COX11: variants seen among roughly 807,000 people sequenced by gnomAD.
COX11 encodes cytochrome c oxidase assembly protein COX11, mitochondrial.
Under a neutral mutation model 29.4 loss-of-function variants are expected in COX11, and 18 were observed. The ratio of observed to expected loss-of-function variants is 0.61; its 90% CI spans 0.42 to 0.91. The LOEUF (loss-of-function observed/expected upper bound fraction) is 0.91. Ranked by LOEUF, COX11 falls within the 40% of genes least tolerant of loss-of-function variation. The pLI, the probability that COX11 is intolerant of heterozygous loss-of-function variation, is 0.00. For missense variants in COX11, 312 were observed against 346.0 expected (o/e 0.90, Z 0.78); for synonymous variants, 131 against 124.0 (o/e 1.06, Z -0.38).
downstream of COX11, among the ~76,000 whole-genome samples, chr17:54,960,179 A>G (rs561583184): frequency 2.0e-5 from 3 of 152,236 alleles, no homozygotes; most frequent in East Asian, 1.9e-4. Context: ...CCTGGCCAAC[A>G]GGGTGAAACC....
chr17:54,957,688 G>T (rs957916639), downstream of COX11: 5 of 152,046 alleles, frequency 3.3e-5, no homozygotes, highest in African/African-American at 7.2e-5. Flanking sequence ...AAATTACTGG[G>T]TTTTTTTCAC....
At position 54,961,272 on chromosome 17, in the gene COX11, T is replaced by G. The variant is rs1300106414; in HGVS notation, c.*1461A>C. 1 of 1,551,322 alleles carries G rather than the reference T, an allele frequency of 6.4e-7. No individual in the cohort carries two copies. Among genetic ancestry groups the G allele is most frequent in the East Asian group, 2.4e-5 (1 of 40,924 alleles). ...GATCAGCTCACTACCACATCAAAGG[T>G]GCCAACTCTCTAAAACGTAGACTCT... On this transcript the variant is annotated 3_prime_UTR_variant, in exon 4 of 4. Transcript: ENST00000299335.
At chr17:54,963,166 A>G in intron 3 of COX11, 140 bp downstream of exon 3, 1 of 952,882 alleles carries the variant, frequency 1.0e-6, no homozygotes, top group Non-Finnish European at 1.6e-6. Flanking sequence ...CATAGCAGGT[A>G]TAGATAGTGA....
At chr17:54,955,858 T>C (rs1303105971), downstream of COX11, among the ~76,000 whole-genome samples, 1 of 152,214 alleles carries the variant, frequency 6.6e-6, no homozygotes, top group Non-Finnish European at 1.5e-5. Context: ...GTCTGGGCTC[T>C]AGGCAGCCGC....
intron 3 of COX11, 122 bp from the exon 4 acceptor site, chr17:54,963,037 TAC>T (rs767566840): frequency 6.3e-5 from 55 of 874,780 alleles, no homozygotes; most frequent in Non-Finnish European, 8.7e-5. Flanking sequence ...TACTATTAAA[TAC>T]ACAGTTCTGT....
At chr17:54,959,245 T>C (rs554904955), downstream of COX11, 1 of 152,296 alleles carries the variant, frequency 6.6e-6, no homozygotes, top group African/African-American at 2.4e-5. Flanking sequence ...CAGCCATGTT[T>C]TGCTATACTG....
In COX11 at chr17:54,961,808, G is replaced by T; in HGVS notation, c.*925C>A. Reference sequence around the variant, plus strand: ...TGAACAGGTCACTAGACTCTACATTGGGCAGCCTTTAAATATGATTCTTTG... The same window carrying T: ...TGAACAGGTCACTAGACTCTACATTTGGCAGCCTTTAAATATGATTCTTTG... On this transcript the variant is annotated 3_prime_UTR_variant, in exon 4 of 4. Transcript: ENST00000299335. The T allele has an allele frequency of 1.0e-6, 1 of 985,616 alleles. No individual in the cohort carries two copies. The highest frequency in any genetic ancestry group is 1.2e-6 in the Non-Finnish European group (1 of 829,744). The allele number at this position is 985,616 out of a possible 1,614,324, so 61.1% of individuals were successfully genotyped here.
downstream of COX11, among the ~76,000 whole-genome samples, chr17:54,958,788 CAAG>C (rs1397265880): frequency 9.0e-5 from 13 of 143,800 alleles, no homozygotes; most frequent in Non-Finnish European, 2.0e-4. Context: ...GCATTTACTA[CAAG>C]AAGAGATGGA....
intron 2 of COX11, 26 bp from the exon 3 acceptor site, chr17:54,963,457 C>G (rs1230629553): frequency 1.9e-6 from 3 of 1,581,446 alleles, no homozygotes; most frequent in Non-Finnish European, 2.6e-6. Context: ...TATATATTAT[C>G]AATACTTTGA....
downstream of COX11, chr17:54,957,025 G>A (rs189442931): frequency 6.6e-6 from 1 of 152,320 alleles, no homozygotes; most frequent in Admixed American, 6.5e-5. Context: ...AAATTGCTGA[G>A]GTCTGTCATG....
At chr17:54,967,081 G>C (rs561288491) in intron 1 of COX11, among the ~76,000 whole-genome samples, 1 of 150,928 alleles carries the variant, frequency 6.6e-6, no homozygotes, top group South Asian at 2.1e-4. Flanking sequence ...CACGGAAAGA[G>C]TGAACTCCAG....
intron 2 of COX11, among the ~76,000 whole-genome samples, chr17:54,963,791 T>G (rs375672747): frequency 2.0e-5 from 3 of 152,062 alleles, no homozygotes; most frequent in African/African-American, 4.8e-5. Context: ...AATGTCATGA[T>G]TGACTATTTT....
At chr17:54,967,696 G>A (rs889036535) in intron 1 of COX11, among the ~76,000 whole-genome samples, 12 of 151,190 alleles carry the variant, frequency 7.9e-5, no homozygotes, top group African/African-American at 2.7e-4. Context: ...GGTCCTGGGC[G>A]CCACACTCCC....
chr17:54,962,699 A>C lies in COX11; in HGVS notation c.*34T>G. The C allele has an allele frequency of 6.3e-7, 1 of 1,598,320 alleles. No homozygotes were observed. The highest frequency in any genetic ancestry group is 1.1e-5 in the South Asian group (1 of 87,006). ...GATAGGATATATGATTTTCCCAAAA[A>C]TCACAACTTTGAAGGAAGACTTAGT... On this transcript the variant is annotated 3_prime_UTR_variant, in exon 4 of 4. Coordinates refer to ENST00000299335, the MANE Select transcript of COX11 (RefSeq NM_004375.5).
chr17:54,964,940 T>A, intron 1 of COX11, 88 bp from the exon 2 acceptor site: 1 of 1,313,132 alleles, frequency 7.6e-7, no homozygotes. Context: ...AATGTAGTAT[T>A]TATAATCCAT....
chr17:54,956,353 G>A (rs188543375), downstream of COX11, among the ~76,000 whole-genome samples: 1 of 151,980 alleles, frequency 6.6e-6, no homozygotes, highest in African/African-American at 2.4e-5. Flanking sequence ...CATTAGGCTG[G>A]AGTATAGTGG....
rs1256117884 is a variant in COX11 at position 54,963,015 on chromosome 17, T to C, written c.649-100A>G. On this transcript the variant is annotated intron_variant, in intron 3 of 3. Coordinates refer to ENST00000299335, the MANE Select transcript of COX11 (RefSeq NM_004375.5). ...CTTAGCATTCCAGTACACTTCGTGATTTTAATAAGCATACTATTAAATACA... is the reference window on the plus strand; with the variant it reads ...CTTAGCATTCCAGTACACTTCGTGACTTTAATAAGCATACTATTAAATACA... The C allele has an allele frequency of 4.8e-6, 5 of 1,048,930 alleles. No homozygotes were observed. The African/African-American group carries it at 6.5e-5, about 14-fold the overall frequency. 65.0% of individuals were successfully genotyped at this position (1,048,930 alleles called of 1,614,324 possible). A position where few individuals can be genotyped will look rare whatever the true frequency, so the allele number is the denominator to read the frequency against.
Position 54,962,855 on chromosome 17 carries a change from A to G in COX11, c.709T>C (p.Phe237Leu). The change falls in exon 4 of 4, where the codon TTC (phenylalanine) becomes CTC (leucine). Residue 237 changes from phenylalanine to leucine, a missense_variant. By Grantham distance (22) the Phe-to-Leu change is conservative. This residue lies in a region of COX11 where 182 missense variants were observed against 240.0 expected (regional missense o/e 0.76). Transcript: ENST00000299335. ...PQEEVDMPVF[F>L]YIDPEFAEDP... ...TCAGCAAATTCAGGATCAATGTAGA[A>G]AAACACTGGCATATCTACTTCCTCT... The G allele has an allele frequency of 6.2e-7, 1 of 1,613,214 alleles. No individual in the cohort carries two copies. The highest frequency in any genetic ancestry group is 2.2e-5 in the East Asian group (1 of 44,764).
intron 1 of COX11, among the ~76,000 whole-genome samples, chr17:54,967,031 TGCGC>T (rs34688822): frequency 0.027 from 2,440 of 90,164 alleles, 70 homozygotes; most frequent in African/African-American, 0.074. Context: ...TAAATAAACG[TGCGC>T]GCGCGCGCAC....
Sources: gnomAD v4.1 joint callset for allele counts (sites outside exome capture counted in the v4.1 genomes callset) on GRCh38, gnomAD v4.1.1 for gene constraint, gnomAD v4.1.1 regional missense constraint, MANE v1.5 for transcripts, NCBI Gene and HGNC (gene_info 2026-07-23, HGNC 2026-07-21) for gene names.